OTUD7A: variants seen among roughly 807,000 people sequenced by gnomAD.
The protein encoded by OTUD7A is OTU deubiquitinase 7A, also known as OTU domain-containing protein 7A.
Under a neutral mutation model 65.7 loss-of-function variants are expected in OTUD7A, and 12 were observed. That is an observed-to-expected ratio of 0.18 (90% CI 0.12 to 0.30). OTUD7A has a LOEUF of 0.30. Ranked by LOEUF, OTUD7A falls within the 10% of genes least tolerant of loss-of-function variation. The pLI is 1.00. For missense variants in OTUD7A, 1,148 were observed against 1,304.8 expected (o/e 0.88, Z 1.85); for synonymous variants, 641 against 586.3 (o/e 1.09, Z -1.35).
At chr15:31,570,791 C>G (rs1025192350) in intron 3 of OTUD7A, among the ~76,000 whole-genome samples, 10 of 152,098 alleles carry the variant, frequency 6.6e-5, no homozygotes, top group African/African-American at 1.4e-4. Flanking sequence ...CTCAGCAGGG[C>G]TCCCACCCCG....
intron 8 of OTUD7A, among the ~76,000 whole-genome samples, chr15:31,522,487 G>A (rs1370398979): frequency 1.3e-5 from 2 of 152,190 alleles, no homozygotes; most frequent in Non-Finnish European, 2.9e-5. Flanking sequence ...ATAATCACGT[G>A]AGCCAATACC....
intron 1 of OTUD7A, among the ~76,000 whole-genome samples, chr15:31,738,718 A>G (rs1407673151): frequency 6.6e-6 from 1 of 152,152 alleles, no homozygotes; most frequent in South Asian, 2.1e-4. Context: ...CCAGCCTTAC[A>G]ATCACAGTGG....
At chr15:31,793,004 C>A (rs1162904692) in intron 1 of OTUD7A, among the ~76,000 whole-genome samples, 1 of 152,158 alleles carries the variant, frequency 6.6e-6, no homozygotes, top group African/African-American at 2.4e-5. Flanking sequence ...GTGCCTCACA[C>A]CACACACCAA....
At chr15:31,738,461 A>C (rs901707178) in intron 1 of OTUD7A, among the ~76,000 whole-genome samples, 1 of 152,194 alleles carries the variant, frequency 6.6e-6, no homozygotes, top group Non-Finnish European at 1.5e-5. Context: ...CCAGGGAGGG[A>C]GATCAGTTGC....
intron 3 of OTUD7A, among the ~76,000 whole-genome samples, chr15:31,639,016 C>T (rs1285255232): frequency 1.2e-4 from 19 of 152,044 alleles, no homozygotes; most frequent in Admixed American, 1.0e-3. Context: ...TGCCTGTAGT[C>T]GCAGCTACTC....
chr15:31,820,248 T>C (rs1429635753), intron 1 of OTUD7A, among the ~76,000 whole-genome samples: 2 of 152,202 alleles, frequency 1.3e-5, no homozygotes, highest in Non-Finnish European at 2.9e-5. Context: ...TGACTTCAAG[T>C]CTATACATTT....
intron 1 of OTUD7A, among the ~76,000 whole-genome samples, chr15:31,693,475 T>C (rs1893004776): frequency 6.6e-6 from 1 of 152,016 alleles, no homozygotes. Flanking sequence ...ATTTTAATCC[T>C]GGGGAGAACA....
At chr15:31,703,404 A>G (rs1464419082) in intron 1 of OTUD7A, among the ~76,000 whole-genome samples, 2 of 152,082 alleles carry the variant, frequency 1.3e-5, no homozygotes, top group African/African-American at 4.8e-5. Context: ...CCATTAGAAA[A>G]TTGGCAAAAA....
chr15:31,537,257 C>T (rs58543954), intron 5 of OTUD7A, among the ~76,000 whole-genome samples: 3,937 of 152,150 alleles, frequency 0.026, 169 homozygotes, highest in African/African-American at 0.089. Context: ...AATCCTTATC[C>T]ACTCTTCAGC....
chr15:31,483,421 G>T lies in OTUD7A; in HGVS notation c.2675C>A (p.Pro892Gln). ...CTCGCGCTGGCAGCGCCGCTGCACC[G>T]GCCCCGGGCCGCCACGGCCGCACTC... ...NGECGRGGPG[P>Q]VQRRCQRENC... is the part of the protein sequence containing the mutation. The change falls in exon 13 of 13, where the codon CCG becomes CAG. Residue 892 changes from proline to glutamine, a missense_variant. Around this residue, in one of 6 missense-constraint regions of OTUD7A, gnomAD observed 842 missense variants for 769.5 expected, o/e 1.09. Transcript: ENST00000307050. 1 of 1,368,786 alleles carries T rather than the reference G, an allele frequency of 7.3e-7. No homozygotes were observed. The highest frequency in any genetic ancestry group is 9.4e-7 in the Non-Finnish European group (1 of 1,060,706). 84.8% of individuals were successfully genotyped at this position (1,368,786 alleles called of 1,614,324 possible). A position where few individuals can be genotyped will look rare whatever the true frequency, so the allele number is the denominator to read the frequency against.
intron 10 of OTUD7A, among the ~76,000 whole-genome samples, chr15:31,493,439 C>CT (rs1566882563): frequency 6.6e-6 from 1 of 152,204 alleles, no homozygotes; most frequent in African/African-American, 2.4e-5. Context: ...CAGCTGCAGA[C>CT]TTTGCTACTT....
intron 1 of OTUD7A, among the ~76,000 whole-genome samples, chr15:31,776,145 C>A (rs1895373525): frequency 6.6e-6 from 1 of 152,228 alleles, no homozygotes; most frequent in Non-Finnish European, 1.5e-5. Context: ...ATGCTTCGGG[C>A]TGCCCCTGAC....
At chr15:31,748,931 A>G (rs1404680173) in intron 1 of OTUD7A, among the ~76,000 whole-genome samples, 2 of 152,202 alleles carry the variant, frequency 1.3e-5, no homozygotes, top group Non-Finnish European at 2.9e-5. Context: ...TACCAGTGAA[A>G]AAAAGATACT....
chr15:31,620,119 A>C (rs1454782940), intron 3 of OTUD7A, among the ~76,000 whole-genome samples: 1 of 152,166 alleles, frequency 6.6e-6, no homozygotes, highest in Non-Finnish European at 1.5e-5. Context: ...GATGAAGCCC[A>C]CTTGATCATG....
intron 1 of OTUD7A, chr15:31,765,814 C>T (rs1458604701): frequency 7.3e-7 from 1 of 1,363,044 alleles, no homozygotes; most frequent in Non-Finnish European, 1.0e-6. Flanking sequence ...GGTTTGTCAC[C>T]AAAAAGTGCT....
chr15:31,852,051 G>T (rs1414241411), intron 1 of OTUD7A, among the ~76,000 whole-genome samples: 1 of 152,160 alleles, frequency 6.6e-6, no homozygotes, highest in East Asian at 1.9e-4. Context: ...TAGAGACGGG[G>T]TTTCACCATG....
intron 1 of OTUD7A, among the ~76,000 whole-genome samples, chr15:31,683,076 T>G (rs1892755541): frequency 6.6e-6 from 1 of 152,152 alleles, no homozygotes; most frequent in Non-Finnish European, 1.5e-5. Context: ...CTCTTTCCAT[T>G]AAGAAAAAAT....
intron 1 of OTUD7A, among the ~76,000 whole-genome samples, chr15:31,820,546 C>A (rs957725581): frequency 6.6e-6 from 1 of 152,110 alleles, no homozygotes; most frequent in African/African-American, 2.4e-5. Context: ...TTATTTTAAT[C>A]CTAGTAACAA....
chr15:31,634,568 T>C (rs1891281726), intron 3 of OTUD7A, among the ~76,000 whole-genome samples: 3 of 152,246 alleles, frequency 2.0e-5, no homozygotes, highest in Admixed American at 6.5e-5. Context: ...CACGGAGCTC[T>C]GTGCATGCTC....
Sources: gnomAD v4.1 joint callset for allele counts (sites outside exome capture counted in the v4.1 genomes callset) on GRCh38, gnomAD v4.1.1 for gene constraint, gnomAD v4.1.1 regional missense constraint, MANE v1.5 for transcripts, NCBI Gene and HGNC (gene_info 2026-07-23, HGNC 2026-07-21) for gene names.